NEB: variants seen among roughly 807,000 people sequenced by gnomAD.
The protein encoded by NEB is nebulin.
In NEB, 512 loss-of-function variants were observed where a neutral mutation model predicts 952.2. The ratio of observed to expected loss-of-function variants is 0.54; its 90% CI spans 0.50 to 0.58. The LOEUF (loss-of-function observed/expected upper bound fraction) is 0.58, where lower values mean the gene tolerates loss of function less well. Ranked by LOEUF, NEB falls within the 20% of genes least tolerant of loss-of-function variation. The pLI, the probability that NEB is intolerant of heterozygous loss-of-function variation, is 0.00. For synonymous variants in NEB, 2,900 were observed against 3,149.8 expected (o/e 0.92, Z 2.66); for missense variants, 8,428 against 9,231.1 (o/e 0.91, Z 3.56).
intron 72 of NEB, 62 bp from the exon 73 acceptor site, chr2:151,619,824 C>A: frequency 6.6e-7 from 1 of 1,503,906 alleles, no homozygotes. Flanking sequence ...GTTGTTCTTT[C>A]TGTGGTGGTG....
Position 151,733,160 on chromosome 2 carries a change from T to A in NEB, c.-4A>T. On this transcript the variant is annotated 5_prime_UTR_variant, in exon 3 of 182. Coordinates refer to ENST00000397345, the MANE Select transcript of NEB (RefSeq NM_001164508.2). Reference sequence around the variant, plus strand: ...CATAGTCTTCGTCATCTGCCATTTTTCCAGAGTAGTAGTGGCACCTACAAA... The same window carrying A: ...CATAGTCTTCGTCATCTGCCATTTTACCAGAGTAGTAGTGGCACCTACAAA... 2.5e-6 allele frequency: 4 copies of A among 1,604,348 alleles called. No individual in the cohort carries two copies. The highest frequency in any genetic ancestry group is 3.4e-6 in the Non-Finnish European group (4 of 1,175,730).
At chr2:151,665,215 C>T in intron 42 of NEB, 118 bp downstream of exon 42, 3 of 943,606 alleles carry the variant, frequency 3.2e-6, no homozygotes, top group Non-Finnish European at 4.8e-6. Context: ...CCCCCTCCCA[C>T]CACCGGCACG....
At chr2:151,672,897 T>A (rs2099317692) in intron 36 of NEB, among the ~76,000 whole-genome samples, 1 of 152,260 alleles carries the variant, frequency 6.6e-6, no homozygotes, top group South Asian at 2.1e-4. Flanking sequence ...TTCTTTGCTA[T>A]GACTCCTACA....
In NEB at chr2:151,575,751, T is replaced by A. The variant is rs1188323449; in HGVS notation, c.16957A>T (p.Met5653Leu). ...WDKDKTSIHI[M>L]PDTPEINLAR... ...AGATTAATTTCTGGAGTATCTGGCA[T>A]TATGTGTATTGAAGTTTTATCCTTG... Residue 5653 changes from methionine to leucine, a missense_variant, in exon 107 of 182, where the codon ATG becomes TTG. By Grantham distance (15) the Met-to-Leu change is conservative (BLOSUM62 2). Around this residue, in one of 11 missense-constraint regions of NEB, gnomAD observed 3,374 missense variants for 3,651.5 expected, o/e 0.92. Transcript: ENST00000397345. The A allele has an allele frequency of 1.9e-5, 30 of 1,611,170 alleles. No individual in the cohort carries two copies. In the Admixed American group the frequency reaches 5.0e-4, roughly 27 times the overall value.
At chr2:151,520,109 G>A (rs779164487) in intron 153 of NEB, 64 of 169,870 alleles carry the variant, frequency 3.8e-4, no homozygotes, top group Middle Eastern at 2.8e-3. Flanking sequence ...TTGATTTGGA[G>A]CATTTTAGCA....
intron 63 of NEB, 32 bp from the exon 64 acceptor site, chr2:151,636,366 A>G: frequency 6.6e-7 from 1 of 1,517,836 alleles, no homozygotes; most frequent in Non-Finnish European, 9.0e-7. Context: ...TCAGATGCTG[A>G]CATTTATATC....
At chr2:151,576,776 C>G (rs1410987287) in intron 105 of NEB, among the ~76,000 whole-genome samples, 1 of 151,788 alleles carries the variant, frequency 6.6e-6, no homozygotes, top group East Asian at 1.9e-4. Flanking sequence ...CTCAGGTGAT[C>G]CACCCACCTT....
At position 151,547,418 on chromosome 2, in the gene NEB, G is replaced by A. The variant is rs1207054844; in HGVS notation, c.20367+11C>T. 9.5e-6 allele frequency: 15 copies of A among 1,573,708 alleles called. 1 individual carries two copies. Among genetic ancestry groups the A allele is most frequent in the Middle Eastern group, 1.7e-4 (1 of 6,014 alleles). On this transcript the variant is annotated intron_variant, in intron 133 of 181. Coordinates refer to ENST00000397345, the MANE Select transcript of NEB (RefSeq NM_001164508.2). ...AAGACTACTCCAGAAAGACCCCTAC[G>A]AGATGCTTACATCACTGGTGATGTC... is the stretch of plus-strand genomic sequence containing the variant.
intron 60 of NEB, among the ~76,000 whole-genome samples, chr2:151,640,918 A>C (rs2098838684): frequency 6.6e-6 from 1 of 152,062 alleles, no homozygotes; most frequent in Admixed American, 6.6e-5. Context: ...TCATTCTGTT[A>C]GAATTTAGAA....
chr2:151,491,514 TAGAAAGTA>T, intron 179 of NEB, 161 bp downstream of exon 179: 1 of 570,928 alleles, frequency 1.8e-6, no homozygotes, highest in Non-Finnish European at 3.1e-6. Flanking sequence ...TGAACTTATC[TAGAAAGTA>T]AGTTTTGCTC....
chr2:151,632,916 G>GAATTGCA lies in NEB; in HGVS notation c.9414+731_9414+737dup, dbSNP rs560751992. Among the ~76,000 whole-genome samples the GAATTGCA allele has an allele frequency of 1.2e-3, 183 of 152,232 alleles. 2 individuals are homozygous for GAATTGCA. The South Asian group carries it at 0.03, about 25-fold the overall frequency. ...CAGGCAAAGCCTTTCTTTTTGGAAA[G>GAATTGCA]AATTGCAAAACACAGGGTTCTGTAT... is the stretch of plus-strand genomic sequence containing the variant. On this transcript the variant is annotated intron_variant, in intron 65 of 181. Transcript: ENST00000397345.
intron 67 of NEB, 123 bp from the exon 68 acceptor site, chr2:151,629,769 G>A (rs2098622668): frequency 4.1e-6 from 3 of 729,538 alleles, no homozygotes; most frequent in Admixed American, 5.2e-5. Context: ...CAAGTTTCTG[G>A]CAATAGTGGA....
chr2:151,581,503 T>C lies in NEB; in HGVS notation c.16264A>G (p.Asn5422Asp), dbSNP rs2097092512. 9.7e-7 allele frequency: 1 copy of C among 1,026,260 alleles called. No individual in the cohort carries two copies. Among genetic ancestry groups the C allele is most frequent in the Non-Finnish European group, 1.4e-6 (1 of 717,922 alleles). The allele number at this position is 1,026,260 out of a possible 1,614,324, so 63.6% of individuals were successfully genotyped here. Residue 5422 changes from asparagine to aspartate, a missense_variant, in exon 103 of 182, where the codon AAT becomes GAT. By Grantham distance (23) the Asn-to-Asp change is conservative (BLOSUM62 1). Around this residue, in one of 11 missense-constraint regions of NEB, gnomAD observed 40 missense variants for 61.2 expected, o/e 0.65. Transcript: ENST00000397345. ...CTTACATTGCTGATCTGCAGGGCAT[T>C]GATTTTGGATTGCAGCATCAGGGGA... Reference protein sequence around the residue: ...DTPLMLQSKINALQISNKRYQ... With the variant: ...DTPLMLQSKIDALQISNKRYQ...
At chr2:151,571,929 T>C (rs963371382) in intron 107 of NEB, among the ~76,000 whole-genome samples, 4 of 152,382 alleles carry the variant, frequency 2.6e-5, no homozygotes, top group Non-Finnish European at 5.9e-5. Context: ...ACAGGTTTTA[T>C]ATGAATTTTC....
At chr2:151,668,267 G>A (rs11902272) in intron 39 of NEB, among the ~76,000 whole-genome samples, 1,775 of 152,070 alleles carry the variant, frequency 0.012, 38 homozygotes, top group African/African-American at 0.041. Flanking sequence ...TTGGAAAAAC[G>A]TTTCTTGTAA....
rs1202419017 is a variant in NEB at position 151,628,813 on chromosome 2, G to T, written c.9831+726C>A. Reference sequence around the variant, plus strand: ...GGAGGCGGAGGTTGCAGAGAGCCAAGATCATACCATTGCACTCTAGCCTGG... The same window carrying T: ...GGAGGCGGAGGTTGCAGAGAGCCAATATCATACCATTGCACTCTAGCCTGG... On this transcript the variant is annotated intron_variant, in intron 68 of 181. Transcript: ENST00000397345. Among the ~76,000 whole-genome samples the T allele has an allele frequency of 2.0e-5, 3 of 152,126 alleles. No homozygotes were observed. In the East Asian group the frequency reaches 5.8e-4, roughly 29 times the overall value.
intron 13 of NEB, 40 bp from the exon 14 acceptor site, chr2:151,697,688 C>A: frequency 7.9e-7 from 1 of 1,261,110 alleles, no homozygotes; most frequent in Non-Finnish European, 1.1e-6. Flanking sequence ...AGATTCCTGT[C>A]ACTCCCACGC....
chr2:151,568,898 T>G (rs1357792788), intron 110 of NEB, among the ~76,000 whole-genome samples, 182 bp from the exon 111 acceptor site: 3 of 152,236 alleles, frequency 2.0e-5, no homozygotes, highest in Non-Finnish European at 4.4e-5. Context: ...CATCAGCTTC[T>G]TATGCCTCCC....
At chr2:151,508,855 C>CAACAGTGGGAAA (rs1396089476) in intron 161 of NEB, among the ~76,000 whole-genome samples, 1 of 152,254 alleles carries the variant, frequency 6.6e-6, no homozygotes, top group African/African-American at 2.4e-5. Flanking sequence ...CTCTTCCAGA[C>CAACAGTGGGAAA]ACCAGTGGGC....
Sources: gnomAD v4.1 joint callset for allele counts (sites outside exome capture counted in the v4.1 genomes callset) on GRCh38, gnomAD v4.1.1 for gene constraint, gnomAD v4.1.1 regional missense constraint, MANE v1.5 for transcripts, NCBI Gene and HGNC (gene_info 2026-07-23, HGNC 2026-07-21) for gene names.